The following CFAP300 variants were observed in gnomAD, a reference collection of about 807,000 sequenced individuals.
CFAP300 encodes cilia and flagella associated protein 300.
In CFAP300, 32 loss-of-function variants were observed where a neutral mutation model predicts 33.0. That is an observed-to-expected ratio of 0.97 (90% CI 0.73 to 1.30). The LOEUF is 1.30. CFAP300 is among the 50% of genes most tolerant of loss of function. The pLI is 0.00. For missense variants in CFAP300, 356 were observed against 318.1 expected (o/e 1.12, Z -0.90); for synonymous variants, 102 against 106.8 (o/e 0.95, Z 0.28).
chr11:102,081,334 A>G, intron 6 of CFAP300, 53 bp downstream of exon 6: 1 of 1,440,916 alleles, frequency 6.9e-7, no homozygotes, highest in Non-Finnish European at 9.7e-7. Flanking sequence ...TTTTATTAAT[A>G]GAGTTGTTAC....
chr11:102,074,204 G>A (rs1942361816), intron 4 of CFAP300, among the ~76,000 whole-genome samples: 1 of 151,436 alleles, frequency 6.6e-6, no homozygotes, highest in Non-Finnish European at 1.5e-5. Context: ...CAGCTGCTTA[G>A]GACTTGGAGG....
chr11:102,056,191 A>G (rs1224318416), intron 2 of CFAP300, among the ~76,000 whole-genome samples: 4 of 152,104 alleles, frequency 2.6e-5, no homozygotes, highest in Admixed American at 2.6e-4. Flanking sequence ...ATATAGATGG[A>G]CTATGTTTTA....
chr11:102,083,728 C>T lies in CFAP300; in HGVS notation c.*529C>T, dbSNP rs6590946. 81,387 of 152,102 alleles carry T rather than the reference C, an allele frequency of 0.54. 22,611 individuals are homozygous for T. The highest frequency in any genetic ancestry group is 0.75 in the East Asian group (3,897 of 5,184). The allele number at this position is 152,102 out of a possible 1,614,324, so 9.4% of individuals were successfully genotyped here. A position where few individuals can be genotyped will look rare whatever the true frequency, so the allele number is the denominator to read the frequency against. On this transcript the variant is annotated 3_prime_UTR_variant, in exon 7 of 7. Coordinates refer to ENST00000434758, the MANE Select transcript of CFAP300 (RefSeq NM_032930.3). ...CTTATAAGCCTCAGTAAAGAAGTAA[C>T]GTTCTGGGGCCTGGCACGGTGGCTC...
intron 2 of CFAP300, among the ~76,000 whole-genome samples, chr11:102,054,941 C>T (rs1455443756): frequency 1.3e-5 from 2 of 151,748 alleles, no homozygotes; most frequent in Non-Finnish European, 2.9e-5. Context: ...ACCCTCCTCA[C>T]GAGTGTGTAA....
At chr11:102,081,897 A>AG (rs1344987752) in intron 6 of CFAP300, among the ~76,000 whole-genome samples, 1 of 151,726 alleles carries the variant, frequency 6.6e-6, no homozygotes, top group Non-Finnish European at 1.5e-5. Context: ...TCTAAAAAAA[A>AG]AAAAAAAAAA....
rs1031854612 is a variant in CFAP300 at position 102,084,522 on chromosome 11, A to AT, written c.*1330dup. 2 of 152,212 alleles carry AT rather than the reference A, an allele frequency of 1.3e-5. No homozygotes were observed. The highest frequency in any genetic ancestry group is 2.9e-5 in the Non-Finnish European group (2 of 68,046). The allele number at this position is 152,212 out of a possible 1,614,324, so 9.4% of individuals were successfully genotyped here. ...CTAGATATCCTCATAATACCCATAGATTTTTTTAAATTACATAAAAACATA... is the reference window on the plus strand; with the variant it reads ...CTAGATATCCTCATAATACCCATAGATTTTTTTTAAATTACATAAAAACATA... On this transcript the variant is annotated 3_prime_UTR_variant, in exon 7 of 7. Coordinates refer to ENST00000434758, the MANE Select transcript of CFAP300 (RefSeq NM_032930.3).
rs763553846 is a variant in CFAP300, at chr11:102,083,522, A to G, written c.*323A>G. 1 of 165,002 alleles carries G rather than the reference A, an allele frequency of 6.1e-6. No individual in the cohort carries two copies. Among genetic ancestry groups the G allele is most frequent in the Non-Finnish European group, 1.3e-5 (1 of 76,478 alleles). 10.2% of individuals were successfully genotyped at this position (165,002 alleles called of 1,614,324 possible). ...CTCAATTTTCCATGTATTTTAATTT[A>G]TAAGCTAATTAATTATGGATTGAAA... On this transcript the variant is annotated 3_prime_UTR_variant, in exon 7 of 7. Transcript: ENST00000434758.
rs1030058401 is a variant in CFAP300 at position 102,047,568 on chromosome 11, G to A, written c.98G>A (p.Arg33Gln). Residue 33 changes from arginine (R) to glutamine (Q), a missense_variant, in exon 1 of 7, where the codon CGG (arginine) becomes CAG (glutamine). Coordinates refer to ENST00000434758, the MANE Select transcript of CFAP300 (RefSeq NM_032930.3). ...CTGAGCTCTAAGGAGATCACCAGCC[G>A]GCTCCGCCAGTGGTGAGGAACCGAG... is the stretch of plus-strand genomic sequence containing the variant. ...QSLSSKEITS[R>Q]LRQWSMLGRI... The A allele has an allele frequency of 6.5e-7, 1 of 1,535,852 alleles. No homozygotes were observed. Among genetic ancestry groups the A allele is most frequent in the Non-Finnish European group, 8.7e-7 (1 of 1,146,760 alleles).
At chr11:102,065,763 A>G (rs1942214731) in intron 3 of CFAP300, among the ~76,000 whole-genome samples, 1 of 151,926 alleles carries the variant, frequency 6.6e-6, no homozygotes, top group South Asian at 2.1e-4. Context: ...GCAAAACTCC[A>G]TCTCAAAGAA....
At chr11:102,059,034 A>G in intron 3 of CFAP300, 79 bp downstream of exon 3, 1 of 829,344 alleles carries the variant, frequency 1.2e-6, no homozygotes, top group Non-Finnish European at 1.9e-6. Flanking sequence ...CATTATTAAA[A>G]TATAAATTGG....
At chr11:102,070,366 G>A (rs185658399) in intron 4 of CFAP300, among the ~76,000 whole-genome samples, 286 of 152,282 alleles carry the variant, frequency 1.9e-3, no homozygotes, top group Non-Finnish European at 2.5e-3. Flanking sequence ...GTTTTCTGTA[G>A]AGACTGTGAA....
At chr11:102,074,956 C>T (rs1279319587) in intron 4 of CFAP300, among the ~76,000 whole-genome samples, 1 of 152,046 alleles carries the variant, frequency 6.6e-6, no homozygotes, top group African/African-American at 2.4e-5. Flanking sequence ...ATCCTCCTGC[C>T]ATGGCCTCCC....
chr11:102,081,280 ATGTAAG>A lies in CFAP300; in HGVS notation c.675+3_675+8del. The A allele has an allele frequency of 1.9e-6, 3 of 1,611,836 alleles. No individual in the cohort carries two copies. The highest frequency in any genetic ancestry group is 2.5e-6 in the Non-Finnish European group (3 of 1,179,186). ...TCTTCTGTCTTTAAAGTTTCAGCTT[ATGTAAG>A]TGTGAGAGAACTTTTGCAACCAAAG... On this transcript the variant is annotated splice_donor_variant and splice_donor_5th_base_variant and coding_sequence_variant and intron_variant, in exon 6 of 7. Coordinates refer to ENST00000434758, the MANE Select transcript of CFAP300 (RefSeq NM_032930.3). LOFTEE classifies it high-confidence loss of function.
At chr11:102,053,784 A>T (rs1246059777) in intron 2 of CFAP300, among the ~76,000 whole-genome samples, 2 of 152,176 alleles carry the variant, frequency 1.3e-5, no homozygotes, top group Non-Finnish European at 2.9e-5. Context: ...ACTGATCAAG[A>T]TCTAGATCGA....
At position 102,084,235 on chromosome 11, in the gene CFAP300, T is replaced by G. The variant is rs1942515820; in HGVS notation, c.*1036T>G. On this transcript the variant is annotated 3_prime_UTR_variant, in exon 7 of 7. Coordinates refer to ENST00000434758, the MANE Select transcript of CFAP300 (RefSeq NM_032930.3). The stretch of plus-strand genomic sequence containing the variant: ...TAACCTAGATTGTTTTTGGTTTATT[T>G]TGATGGCAAAAATCATTGACATATA... 6.6e-6 allele frequency: 1 copy of G among 152,186 alleles called. No individual in the cohort carries two copies. The highest frequency in any genetic ancestry group is 1.5e-5 in the Non-Finnish European group (1 of 68,012). The allele number at this position is 152,186 out of a possible 1,614,324, so 9.4% of individuals were successfully genotyped here. A position where few individuals can be genotyped will look rare whatever the true frequency, so the allele number is the denominator to read the frequency against.
chr11:102,051,080 C>T (rs1941962845), intron 2 of CFAP300, among the ~76,000 whole-genome samples: 1 of 152,050 alleles, frequency 6.6e-6, no homozygotes, highest in Non-Finnish European at 1.5e-5. Flanking sequence ...GAGAGGGGGA[C>T]ATGTAGGATG....
chr11:102,062,249 A>G (rs1942159298), intron 3 of CFAP300, among the ~76,000 whole-genome samples: 1 of 152,202 alleles, frequency 6.6e-6, no homozygotes, highest in Admixed American at 6.5e-5. Context: ...TGAGAAATAC[A>G]TGTCTATTGT....
intron 1 of CFAP300, 66 bp downstream of exon 1, chr11:102,047,646 G>GGC (rs1026054026): frequency 6.7e-7 from 1 of 1,487,318 alleles, no homozygotes; most frequent in African/African-American, 1.4e-5. Flanking sequence ...GCGCAGGCCG[G>GGC]GCGTCGAGGG....
rs183506030 is a variant in CFAP300, at chr11:102,073,494, A to C, written c.436-2379A>C. Among the ~76,000 whole-genome samples, 278 of 152,322 alleles carry C rather than the reference A, an allele frequency of 1.8e-3. 2 individuals carry two copies. The highest frequency in any genetic ancestry group is 6.5e-3 in the African/African-American group (269 of 41,566). On this transcript the variant is annotated intron_variant, in intron 4 of 6. Coordinates refer to ENST00000434758, the MANE Select transcript of CFAP300 (RefSeq NM_032930.3). ...CAGAGGGGCTGTCCTCAGGTCCTCC[A>C]GTGGTACATTCAGGCGGATCCTCTT...
Sources: allele counts gnomAD v4.1 joint callset (sites outside exome capture counted in the v4.1 genomes callset), GRCh38; gene constraint gnomAD v4.1.1; transcripts MANE v1.5; gene names NCBI Gene and HGNC (gene_info 2026-07-23, HGNC 2026-07-21).